The following OSGIN2 variants were observed in gnomAD, a reference collection of about 807,000 sequenced individuals.
OSGIN2 encodes the protein oxidative stress induced growth inhibitor family member 2.
In OSGIN2, 19 loss-of-function variants were observed where a neutral mutation model predicts 53.8. That is an observed-to-expected ratio of 0.35 (90% CI 0.25 to 0.52). OSGIN2 has a LOEUF of 0.52. Among genes scored for constraint, OSGIN2 ranks in the 20% least tolerant of loss-of-function variants. The pLI, the probability that OSGIN2 is intolerant of heterozygous loss-of-function variation, is 0.95. For synonymous variants in OSGIN2, 236 were observed against 236.0 expected (o/e 1.00, Z 0.00); for missense variants, 520 against 662.7 (o/e 0.78, Z 2.36).
rs35635974 is a variant in OSGIN2 at position 89,909,011 on chromosome 8, CAAAAAAAAAAAA to C, written c.45-540_45-529del. Among the ~76,000 whole-genome samples, 6 of 38,394 alleles carry C rather than the reference CAAAAAAAAAAAA, an allele frequency of 1.6e-4. 1 individual carries two copies. In the East Asian group the frequency reaches 3.6e-3, roughly 23 times the overall value. 25.2% of individuals were successfully genotyped at this position (38,394 alleles called of 152,430 possible). A position where few individuals can be genotyped will look rare whatever the true frequency, so the allele number is the denominator to read the frequency against. On this transcript the variant is annotated intron_variant, in intron 1 of 5. Transcript: ENST00000451899. The stretch of plus-strand genomic sequence containing the variant: ...GGGTGACAGAGCAAGACCTTGTTTC[CAAAAAAAAAAAA>C]AAAAAAAAAAAAAAATATATATATA...
At chr8:89,916,312 G>C (rs1329725685) in intron 4 of OSGIN2, among the ~76,000 whole-genome samples, 1 of 152,112 alleles carries the variant, frequency 6.6e-6, no homozygotes, top group Non-Finnish European at 1.5e-5. Flanking sequence ...AACACATTTT[G>C]AGCCAGTGAT....
chr8:89,902,099 C>G (rs1157926057), upstream of OSGIN2: 1 of 152,314 alleles, frequency 6.6e-6, no homozygotes, highest in Non-Finnish European at 1.5e-5. Flanking sequence ...GCGTCTGCAC[C>G]CCGGCAGCGC....
At chr8:89,915,568 T>G (rs1482203405) in intron 4 of OSGIN2, among the ~76,000 whole-genome samples, 1 of 152,224 alleles carries the variant, frequency 6.6e-6, no homozygotes, top group African/African-American at 2.4e-5. Context: ...CAGTAAGTAA[T>G]AATTGTTCAT....
chr8:89,903,344 C>T (rs1397062266), intron 1 of OSGIN2, among the ~76,000 whole-genome samples: 2 of 152,048 alleles, frequency 1.3e-5, no homozygotes, highest in African/African-American at 4.8e-5. Context: ...GGCGGTTTTA[C>T]AATCACCTTA....
chr8:89,907,281 A>ATT (rs34726632), intron 1 of OSGIN2, among the ~76,000 whole-genome samples: 23,756 of 151,132 alleles, frequency 0.16, 4,430 homozygotes, highest in African/African-American at 0.45. Context: ...CCATTTGTCA[A>ATT]TTTTTTTTTG....
At position 89,927,809 on chromosome 8, in the gene OSGIN2, GTTGA is replaced by G. The variant is rs777359951; in HGVS notation, c.*2281_*2284del. 1.3e-5 allele frequency: 2 copies of G among 152,170 alleles called. No individual in the cohort carries two copies. The highest frequency in any genetic ancestry group is 4.8e-5 in the African/African-American group (2 of 41,436). 9.4% of individuals were successfully genotyped at this position (152,170 alleles called of 1,614,324 possible). ...TATATTTCTGTGGCATCAAATTTTA[GTTGA>G]TTGTATTAGTCAATAGGAAGTGGTG... On this transcript the variant is annotated 3_prime_UTR_variant, in exon 6 of 6. Transcript: ENST00000451899.
At position 89,914,112 on chromosome 8, in the gene OSGIN2, T is replaced by C. The variant is rs1402059505; in HGVS notation, c.235T>C (p.Leu79=). 1 of 1,610,342 alleles carries C rather than the reference T, an allele frequency of 6.2e-7. No homozygotes were observed. Among genetic ancestry groups the C allele is most frequent in the South Asian group, 1.1e-5 (1 of 90,900 alleles). The change falls in exon 3 of 6, where the codon TTA becomes CTA. Residue 79 remains leucine, a synonymous_variant. Transcript: ENST00000451899. ...GPSGICLSYM[L]SGYRPYLSSE... ...CTCAGGAATATGCCTTTCTTATATG[T>C]TATCAGGCTACAGACCGTATTTATC...
At position 89,925,016 on chromosome 8, in the gene OSGIN2, A is replaced by C. The variant is rs751663625; in HGVS notation, c.1134A>C (p.Arg378=). ...NIPVIHVFRR[R]VTDPSLIFKQ... ...CTGTGATTCATGTGTTTCGCAGACGAGTAACTGATCCAAGCTTAATTTTCA... is the reference window on the plus strand; with the variant it reads ...CTGTGATTCATGTGTTTCGCAGACGCGTAACTGATCCAAGCTTAATTTTCA... Residue 378 remains arginine (R), a synonymous_variant, in exon 6 of 6, where the codon CGA becomes CGC. Transcript: ENST00000451899. 1 of 1,613,986 alleles carries C rather than the reference A, an allele frequency of 6.2e-7. No homozygotes were observed. The highest frequency in any genetic ancestry group is 8.5e-7 in the Non-Finnish European group (1 of 1,179,816).
intron 4 of OSGIN2, among the ~76,000 whole-genome samples, chr8:89,915,424 C>T (rs1206235861): frequency 6.6e-6 from 1 of 152,180 alleles, no homozygotes; most frequent in Non-Finnish European, 1.5e-5. Flanking sequence ...AAGGCCCCAT[C>T]TCCAAAAGCA....
chr8:89,907,281 A>T (rs1431849680), intron 1 of OSGIN2, among the ~76,000 whole-genome samples: 4 of 151,086 alleles, frequency 2.6e-5, no homozygotes, highest in Admixed American at 6.6e-5. Context: ...CCATTTGTCA[A>T]TTTTTTTTTG....
chr8:89,910,285 ACATT>A (rs915847148), intron 2 of OSGIN2, among the ~76,000 whole-genome samples: 3 of 152,044 alleles, frequency 2.0e-5, no homozygotes, highest in African/African-American at 7.3e-5. Context: ...TATTAATAAA[ACATT>A]CAGATTTATA....
At chr8:89,909,488 A>G (rs760523973) in intron 1 of OSGIN2, 79 bp from the exon 2 acceptor site, 13 of 701,468 alleles carry the variant, frequency 1.9e-5, no homozygotes, top group Non-Finnish European at 2.1e-5. Flanking sequence ...ATGTCTAAAT[A>G]AACTCGGAGT....
At chr8:89,921,755 G>A (rs1369585160) in intron 5 of OSGIN2, among the ~76,000 whole-genome samples, 1 of 152,184 alleles carries the variant, frequency 6.6e-6, no homozygotes, top group Non-Finnish European at 1.5e-5. Context: ...GCTGAGGTGG[G>A]AGGATCACCT....
chr8:89,924,537 A>G lies in OSGIN2; in HGVS notation c.655A>G (p.Ile219Val). 1 of 1,611,920 alleles carries G rather than the reference A, an allele frequency of 6.2e-7. No individual in the cohort carries two copies. Reference sequence around the variant, plus strand: ...AGGGGATCGAGTTATGCCAGAGGAAATAGCTCGCTACTATAAACATTATGT... The same window carrying G: ...AGGGGATCGAGTTATGCCAGAGGAAGTAGCTCGCTACTATAAACATTATGT... ...LKGDRVMPEEIARYYKHYVKV... is the reference protein window; with the variant it reads ...LKGDRVMPEEVARYYKHYVKV... The change falls in exon 6 of 6, where the codon ATA (isoleucine) becomes GTA (valine). Residue 219 changes from isoleucine (I) to valine (V), a missense_variant. By Grantham distance (29) the Ile-to-Val change is conservative (BLOSUM62 3). Coordinates refer to ENST00000451899, the MANE Select transcript of OSGIN2 (RefSeq NM_001126111.3).
At chr8:89,901,989 A>C (rs1286117185), upstream of OSGIN2, 1 of 152,352 alleles carries the variant, frequency 6.6e-6, no homozygotes, top group Admixed American at 6.5e-5. Flanking sequence ...GACTTCCATA[A>C]AAGAAGCGTG....
intron 5 of OSGIN2, among the ~76,000 whole-genome samples, chr8:89,923,013 A>G (rs1366560743): frequency 6.6e-6 from 1 of 152,200 alleles, no homozygotes; most frequent in East Asian, 1.9e-4. Context: ...GGGAGGTACC[A>G]TACCAAAAAT....
At chr8:89,924,282 A>G (rs1809267907) in intron 5 of OSGIN2, among the ~76,000 whole-genome samples, 1 of 151,560 alleles carries the variant, frequency 6.6e-6, no homozygotes, top group Admixed American at 6.5e-5. Flanking sequence ...TGCATTAAAT[A>G]TAGTCTCTGC....
intron 1 of OSGIN2, among the ~76,000 whole-genome samples, chr8:89,906,019 A>G (rs1485466617): frequency 2.0e-5 from 3 of 152,272 alleles, no homozygotes; most frequent in Non-Finnish European, 4.4e-5. Flanking sequence ...AAATGTTGAG[A>G]GAAATTAAAG....
rs996254781 is a variant in OSGIN2, at chr8:89,926,936, C to T, written c.*1404C>T. ...ATAATTGTATAGAATATATTTGCGT[C>T]GATCAAATAATTGCTTCAGATGAAT... On this transcript the variant is annotated 3_prime_UTR_variant, in exon 6 of 6. Coordinates refer to ENST00000451899, the MANE Select transcript of OSGIN2 (RefSeq NM_001126111.3). The T allele has an allele frequency of 2.6e-5, 4 of 152,050 alleles. No homozygotes were observed. Among genetic ancestry groups the T allele is most frequent in the Admixed American group, 6.6e-5 (1 of 15,262 alleles). 9.4% of individuals were successfully genotyped at this position (152,050 alleles called of 1,614,324 possible). A position where few individuals can be genotyped will look rare whatever the true frequency, so the allele number is the denominator to read the frequency against.
Sources: allele counts gnomAD v4.1 joint callset (sites outside exome capture counted in the v4.1 genomes callset), GRCh38; gene constraint gnomAD v4.1.1; transcripts MANE v1.5; gene names NCBI Gene and HGNC (gene_info 2026-07-23, HGNC 2026-07-21).